Variants in MTR observed in about 807,000 individuals in gnomAD.
The protein encoded by MTR is methionine synthase.
A neutral mutation model predicts 154.8 loss-of-function variants in MTR; 84 were observed. That is an observed-to-expected ratio of 0.54 (90% confidence interval 0.45 to 0.65). The LOEUF (loss-of-function observed/expected upper bound fraction) is 0.65. MTR is among the 30% of genes least tolerant of loss of function. The pLI is 0.00. For synonymous variants in MTR, 554 were observed against 553.9 expected (o/e 1.00, Z 0.00); for missense variants, 1,275 against 1,570.2 (o/e 0.81, Z 3.18).
chr1:236,890,311 TG>T (rs1164856500), intron 28 of MTR, among the ~76,000 whole-genome samples: 1 of 152,020 alleles, frequency 6.6e-6, no homozygotes, highest in Non-Finnish European at 1.5e-5. Context: ...ATGGGCAGGG[TG>T]GCCGAGTCTC....
chr1:236,863,632 G>C, intron 22 of MTR, 78 bp downstream of exon 22: 1 of 1,252,128 alleles, frequency 8.0e-7, no homozygotes, highest in Admixed American at 1.8e-5. Context: ...TTCTTCAATG[G>C]GTGGGAAGAG....
chr1:236,803,734 GAGAATAA>G, intron 2 of MTR, 92 bp downstream of exon 2: 1 of 1,257,776 alleles, frequency 8.0e-7, no homozygotes, highest in Non-Finnish European at 1.1e-6. Flanking sequence ...GAGTGCTCCG[GAGAATAA>G]AGAATAAAGA....
intron 24 of MTR, 64 bp downstream of exon 24, chr1:236,874,910 G>C: frequency 1.3e-6 from 2 of 1,555,866 alleles, no homozygotes; most frequent in Non-Finnish European, 1.8e-6. Flanking sequence ...GTTTGAAACA[G>C]TGGGAAACCT....
At chr1:236,897,511 A>G in intron 32 of MTR, 47 bp from the exon 33 acceptor site, 1 of 1,555,728 alleles carries the variant, frequency 6.4e-7, no homozygotes, top group East Asian at 2.2e-5. Flanking sequence ...TTCTATTCCA[A>G]AAGTCTTATC....
At chr1:236,844,606 C>G (rs932727909) in intron 15 of MTR, among the ~76,000 whole-genome samples, 60 of 151,862 alleles carry the variant, frequency 4.0e-4, no homozygotes, top group African/African-American at 1.4e-3. Context: ...AGAGCCATGA[C>G]CTTGTGAGTT....
chr1:236,804,597 TTAAC>T (rs1660873881), intron 2 of MTR, among the ~76,000 whole-genome samples: 2 of 152,246 alleles, frequency 1.3e-5, no homozygotes, highest in South Asian at 2.1e-4. Flanking sequence ...CATCATTTAT[TTAAC>T]TAATCTCCTT....
At chr1:236,863,360 T>C in intron 21 of MTR, 94 bp from the exon 22 acceptor site, 1 of 964,750 alleles carries the variant, frequency 1.0e-6, no homozygotes, top group Non-Finnish European at 1.7e-6. Flanking sequence ...TTGTATTGAA[T>C]TGCTTTCTGT....
chr1:236,860,086 CCCCCA>C (rs1311740796), intron 19 of MTR, among the ~76,000 whole-genome samples, 164 bp downstream of exon 19: 10 of 89,892 alleles, frequency 1.1e-4, no homozygotes, highest in East Asian at 8.2e-4. Flanking sequence ...CCCCCCCCCC[CCCCCA>C]CCATAGCACA....
chr1:236,835,922 A>G (rs1346829587), intron 14 of MTR, among the ~76,000 whole-genome samples: 1 of 152,034 alleles, frequency 6.6e-6, no homozygotes, highest in Non-Finnish European at 1.5e-5. Context: ...GGCTTCTGGG[A>G]TTGTTCATGA....
intron 22 of MTR, among the ~76,000 whole-genome samples, chr1:236,870,504 A>G (rs1665066792): frequency 6.6e-6 from 1 of 152,172 alleles, no homozygotes; most frequent in Non-Finnish European, 1.5e-5. Flanking sequence ...GATTAGGGTA[A>G]GTCTGGACTG....
intron 22 of MTR, among the ~76,000 whole-genome samples, chr1:236,871,348 T>G (rs1665120221): frequency 6.6e-6 from 1 of 152,202 alleles, no homozygotes; most frequent in Non-Finnish European, 1.5e-5. Flanking sequence ...CCTTCTCCGT[T>G]TCTGTTCCAG....
intron 29 of MTR, among the ~76,000 whole-genome samples, chr1:236,893,504 G>A (rs954117586): frequency 2.6e-5 from 4 of 152,312 alleles, no homozygotes; most frequent in Middle Eastern, 3.4e-3. Flanking sequence ...TTTCTTGTCT[G>A]TAAAATGGAG....
At chr1:236,897,168 C>A in intron 32 of MTR, 50 bp downstream of exon 32, 2 of 1,313,550 alleles carry the variant, frequency 1.5e-6, no homozygotes, top group Non-Finnish European at 2.2e-6. Context: ...AAATGAAATT[C>A]TAGAACCTCT....
chr1:236,833,239 T>C (rs1372865272), intron 13 of MTR, among the ~76,000 whole-genome samples: 1 of 152,208 alleles, frequency 6.6e-6, no homozygotes, highest in East Asian at 1.9e-4. Context: ...AGTGTTTCTA[T>C]TATGTTTTGC....
At chr1:236,888,637 T>C (rs1360858535) in intron 27 of MTR, among the ~76,000 whole-genome samples, 2 of 152,188 alleles carry the variant, frequency 1.3e-5, no homozygotes, top group Non-Finnish European at 2.9e-5. Flanking sequence ...AGTGGAGGAT[T>C]ATGTATTGAG....
chr1:236,797,167 C>T (rs1032940900), intron 1 of MTR, among the ~76,000 whole-genome samples: 1 of 152,186 alleles, frequency 6.6e-6, no homozygotes, highest in African/African-American at 2.4e-5. Flanking sequence ...GCCATTGTGC[C>T]TAGAAAAGAC....
intron 23 of MTR, 29 bp from the exon 24 acceptor site, chr1:236,874,697 C>A: frequency 7.1e-7 from 1 of 1,399,572 alleles, no homozygotes; most frequent in Non-Finnish European, 9.4e-7. Context: ...TCCTTTTTGT[C>A]CTTTTTTTTT....
chr1:236,868,568 T>C (rs185139419), intron 22 of MTR, among the ~76,000 whole-genome samples: 4 of 152,328 alleles, frequency 2.6e-5, no homozygotes, highest in Non-Finnish European at 5.9e-5. Context: ...ATTTTACATA[T>C]ACTCTGTAAT....
chr1:236,808,851 G>T, intron 4 of MTR, 78 bp downstream of exon 4: 1 of 1,372,094 alleles, frequency 7.3e-7, no homozygotes, highest in East Asian at 2.3e-5. Context: ...CCTTATTGCA[G>T]TTTTTCCTTA....
Sources: allele counts gnomAD v4.1 joint callset (sites outside exome capture counted in the v4.1 genomes callset), GRCh38; gene constraint gnomAD v4.1.1; transcripts MANE v1.5; gene names NCBI Gene and HGNC (gene_info 2026-07-23, HGNC 2026-07-21).